The following KIF26B variants were observed in gnomAD, a reference collection of about 807,000 sequenced individuals.
The protein encoded by KIF26B is kinesin-like protein KIF26B.
Under a neutral mutation model 151.2 loss-of-function variants are expected in KIF26B, and 63 were observed. The ratio of observed to expected loss-of-function variants is 0.42; its 90% CI spans 0.34 to 0.51. The LOEUF (loss-of-function observed/expected upper bound fraction) is 0.51. Among genes scored for constraint, KIF26B ranks in the 20% least tolerant of loss-of-function variants. The pLI is 0.07. For synonymous variants in KIF26B, 1,357 were observed against 1,262.1 expected, an observed-to-expected ratio of 1.08 and a Z score of -1.59; for missense variants, 2,813 against 2,913.6, an observed-to-expected ratio of 0.97 and a Z score of 0.79.
intron 3 of KIF26B, among the ~76,000 whole-genome samples, chr1:245,374,794 T>C (rs2103014772): frequency 6.6e-6 from 1 of 152,296 alleles, no homozygotes; most frequent in East Asian, 1.9e-4. Flanking sequence ...TATTCGGTCA[T>C]GGACACACAT....
At position 245,483,074 on chromosome 1, in the gene KIF26B, C is replaced by G. The variant is rs1439962382; in HGVS notation, c.1167-57693C>G. Among the ~76,000 whole-genome samples the G allele has an allele frequency of 2.6e-5, 4 of 151,746 alleles. 1 individual carries two copies. Among genetic ancestry groups the G allele is most frequent in the Non-Finnish European group, 5.9e-5 (4 of 67,790 alleles). ...TCATTTATTTTGGAAGTTGGGGAAGCAGGTGCCGGACAAAGCTCTGGGTCG... is the reference window on the plus strand; with the variant it reads ...TCATTTATTTTGGAAGTTGGGGAAGGAGGTGCCGGACAAAGCTCTGGGTCG... On this transcript the variant is annotated intron_variant, in intron 4 of 14. Coordinates refer to ENST00000407071, the MANE Select transcript of KIF26B (RefSeq NM_018012.4).
chr1:245,357,568 G>A (rs58370449), intron 2 of KIF26B, among the ~76,000 whole-genome samples: 2,154 of 152,224 alleles, frequency 0.014, 51 homozygotes, highest in African/African-American at 0.049. Context: ...CATTTAAAGC[G>A]TACACTTTGA....
At chr1:245,263,221 G>A (rs1670680030) in intron 2 of KIF26B, among the ~76,000 whole-genome samples, 1 of 152,158 alleles carries the variant, frequency 6.6e-6, no homozygotes, top group South Asian at 2.1e-4. Context: ...TTCACCCTCT[G>A]CTTGTGCTCC....
In KIF26B at chr1:245,196,529, T is replaced by C. The variant is rs767508108; in HGVS notation, c.465+39846T>C. Among the ~76,000 whole-genome samples, 120 of 152,276 alleles carry C rather than the reference T, an allele frequency of 7.9e-4. No individual in the cohort carries two copies. In the Middle Eastern group the frequency reaches 0.01, roughly 13 times the overall value. ...ACCTTTCCAAGCCATATCCCCTTCATTGACTGTGCTCCAGGCACCACCTCC... is the reference window on the plus strand; with the variant it reads ...ACCTTTCCAAGCCATATCCCCTTCACTGACTGTGCTCCAGGCACCACCTCC... On this transcript the variant is annotated intron_variant, in intron 2 of 14. Coordinates refer to ENST00000407071, the MANE Select transcript of KIF26B (RefSeq NM_018012.4).
intron 2 of KIF26B, among the ~76,000 whole-genome samples, chr1:245,326,719 C>T (rs909877959): frequency 6.6e-6 from 1 of 152,204 alleles, no homozygotes; most frequent in South Asian, 2.1e-4. Flanking sequence ...GGAGGACAAG[C>T]TTTTGGTTTC....
intron 3 of KIF26B, among the ~76,000 whole-genome samples, chr1:245,399,979 T>A (rs1673955261): frequency 6.6e-6 from 1 of 152,190 alleles, no homozygotes; most frequent in Admixed American, 6.5e-5. Context: ...CTTAGTATAA[T>A]CCCCTACTTT....
At chr1:245,428,361 C>G (rs112964130) in intron 4 of KIF26B, among the ~76,000 whole-genome samples, 5,925 of 152,214 alleles carry the variant, frequency 0.039, 162 homozygotes, top group Non-Finnish European at 0.062. Context: ...ATATTTAGTG[C>G]CATCCGATTT....
intron 4 of KIF26B, among the ~76,000 whole-genome samples, chr1:245,509,976 G>C (rs1313186594): frequency 6.6e-6 from 1 of 152,180 alleles, no homozygotes; most frequent in Non-Finnish European, 1.5e-5. Flanking sequence ...GCCCTCCCTT[G>C]GGCATCATCT....
chr1:245,320,821 A>G (rs144967250), intron 2 of KIF26B, among the ~76,000 whole-genome samples: 9 of 152,078 alleles, frequency 5.9e-5, no homozygotes, highest in African/African-American at 2.2e-4. Context: ...GGGATTACAG[A>G]CACACGCCAC....
At chr1:245,260,272 A>G (rs1670609600) in intron 2 of KIF26B, among the ~76,000 whole-genome samples, 1 of 152,178 alleles carries the variant, frequency 6.6e-6, no homozygotes, top group African/African-American at 2.4e-5. Context: ...TAAGTATGCA[A>G]CATTCTTGGG....
Position 245,299,329 on chromosome 1 carries a change from T to C in KIF26B, c.466-67505T>C, listed in dbSNP as rs1206331787. On this transcript the variant is annotated intron_variant, in intron 2 of 14. Transcript: ENST00000407071. ...TTACATCCAATTCTGGGTTTTTTTT[T>C]TTTTTTTTTTTTTTGAGTTTGGGTC... Among the ~76,000 whole-genome samples, 8 of 150,300 alleles carry C rather than the reference T, an allele frequency of 5.3e-5. No individual in the cohort carries two copies. In the East Asian group the frequency reaches 1.6e-3, roughly 29 times the overall value.
At chr1:245,210,822 C>G (rs766952556) in intron 2 of KIF26B, among the ~76,000 whole-genome samples, 3 of 152,194 alleles carry the variant, frequency 2.0e-5, no homozygotes, top group South Asian at 2.1e-4. Flanking sequence ...CAGGGCTGTT[C>G]GGAGCATCCA....
chr1:245,622,234 G>C (rs2043671670), intron 9 of KIF26B, among the ~76,000 whole-genome samples: 1 of 145,974 alleles, frequency 6.9e-6, no homozygotes, highest in Non-Finnish European at 1.5e-5. Context: ...GTTTTACTGG[G>C]AATAGTTGAA....
chr1:245,395,940 G>A (rs760956775), intron 3 of KIF26B, among the ~76,000 whole-genome samples: 75 of 152,240 alleles, frequency 4.9e-4, no homozygotes, highest in Admixed American at 1.0e-3. Flanking sequence ...TAGAACAGGG[G>A]GGGAAATTTC....
At chr1:245,523,994 A>AT (rs1661185712) in intron 4 of KIF26B, among the ~76,000 whole-genome samples, 1 of 152,222 alleles carries the variant, frequency 6.6e-6, no homozygotes, top group African/African-American at 2.4e-5. Flanking sequence ...TACCTTACCA[A>AT]TTTCCCCAAA....
At chr1:245,290,973 T>C (rs1190029846) in intron 2 of KIF26B, among the ~76,000 whole-genome samples, 1 of 152,208 alleles carries the variant, frequency 6.6e-6, no homozygotes, top group East Asian at 1.9e-4. Context: ...TTCCAGGCCG[T>C]TGAGTGCTGG....
chr1:245,386,300 A>G (rs1397462019), intron 3 of KIF26B, among the ~76,000 whole-genome samples: 1 of 151,000 alleles, frequency 6.6e-6, no homozygotes, highest in Non-Finnish European at 1.5e-5. Flanking sequence ...GCAGCACTCA[A>G]TTATTAGCTG....
At chr1:245,313,642 T>C (rs372407501) in intron 2 of KIF26B, among the ~76,000 whole-genome samples, 2 of 152,210 alleles carry the variant, frequency 1.3e-5, no homozygotes, top group South Asian at 4.1e-4. Context: ...ACCATGTCCC[T>C]GTCACAGATC....
At chr1:245,584,027 C>T (rs974634719) in intron 5 of KIF26B, among the ~76,000 whole-genome samples, 4 of 152,188 alleles carry the variant, frequency 2.6e-5, no homozygotes, top group East Asian at 3.9e-4. Flanking sequence ...TATTTGTCCC[C>T]GCCCAAATCT....
Sources: gnomAD v4.1 joint callset for allele counts (sites outside exome capture counted in the v4.1 genomes callset) on GRCh38, gnomAD v4.1.1 for gene constraint, MANE v1.5 for transcripts, NCBI Gene and HGNC (gene_info 2026-07-23, HGNC 2026-07-21) for gene names.